VSIG10: variants seen among roughly 807,000 people sequenced by gnomAD.
VSIG10 encodes the protein V-set and immunoglobulin domain-containing protein 10.
Under a neutral mutation model 58.7 loss-of-function variants are expected in VSIG10, and 48 were observed. The observed-to-expected ratio is 0.82, with a 90% CI of 0.65 to 1.04. The LOEUF (loss-of-function observed/expected upper bound fraction) is 1.04. VSIG10 is among the 50% of genes least tolerant of loss of function. The probability of loss-of-function intolerance (pLI) is 0.00; values close to 1 mark genes in which losing one functional copy is unlikely to be tolerated. For missense variants in VSIG10, 628 were observed against 670.0 expected (o/e 0.94, Z 0.69); for synonymous variants, 260 against 267.1 (o/e 0.97, Z 0.26).
chr12:118,095,865 T>C (rs2033435719), intron 1 of VSIG10, 51 bp from the exon 2 acceptor site: 2 of 1,545,080 alleles, frequency 1.3e-6, no homozygotes, highest in Non-Finnish European at 1.7e-6. Context: ...TTCTAAACAA[T>C]GTCCCTTTTT....
Position 118,064,351 on chromosome 12 carries a change from A to G in VSIG10, c.*2288T>C, listed in dbSNP as rs150958414. 1.3e-5 allele frequency: 2 copies of G among 152,168 alleles called. No individual in the cohort carries two copies. The highest frequency in any genetic ancestry group is 4.8e-5 in the African/African-American group (2 of 41,512). The allele number at this position is 152,168 out of a possible 1,614,324, so 9.4% of individuals were successfully genotyped here. ...GTGGAAAAACCCTCAAATATTTCCT[A>G]TCAACAGATGTGTGTGCTAGAGAAG... On this transcript the variant is annotated 3_prime_UTR_variant, in exon 9 of 9. Coordinates refer to ENST00000359236, the MANE Select transcript of VSIG10 (RefSeq NM_019086.6).
chr12:118,085,624 G>A (rs1172242537), intron 2 of VSIG10, among the ~76,000 whole-genome samples: 1 of 152,214 alleles, frequency 6.6e-6, no homozygotes. Context: ...CATTTTGGGA[G>A]GCCGAGGCGG....
rs977597763 is a variant in VSIG10 at position 118,079,345 on chromosome 12, C to T, written c.925+1G>A. On this transcript the variant is annotated splice_donor_variant, in intron 4 of 8. Coordinates refer to ENST00000359236, the MANE Select transcript of VSIG10 (RefSeq NM_019086.6). LOFTEE classifies it high-confidence loss of function. ...CCCAAGACAAAGCAAAACAGACTCA[C>T]TGATCTGCACCATGCAGCTGGCGCC... The T allele has an allele frequency of 1.9e-6, 3 of 1,612,934 alleles. No homozygotes were observed. The highest frequency in any genetic ancestry group is 2.5e-6 in the Non-Finnish European group (3 of 1,179,050).
intron 8 of VSIG10, among the ~76,000 whole-genome samples, chr12:118,068,045 T>C (rs113444359): frequency 3.0e-3 from 422 of 141,092 alleles, no homozygotes; most frequent in Admixed American, 4.4e-3. Context: ...TTTTTTTTTT[T>C]CTGAGGCAGG....
chr12:118,084,829 C>T lies in VSIG10; in HGVS notation c.362-2400G>A, dbSNP rs111862780. Among the ~76,000 whole-genome samples, 209 of 152,286 alleles carry T rather than the reference C, an allele frequency of 1.4e-3. 1 individual carries two copies. The highest frequency in any genetic ancestry group is 5.0e-3 in the Admixed American group (77 of 15,288). ...GGTCAGGAGATCGAGACCATCCTGG[C>T]TAACACGGTGAAACCCCGTCTCTAC... On this transcript the variant is annotated intron_variant, in intron 2 of 8. Transcript: ENST00000359236.
intron 2 of VSIG10, among the ~76,000 whole-genome samples, chr12:118,093,730 G>A (rs1171157198): frequency 6.6e-6 from 1 of 151,954 alleles, no homozygotes; most frequent in Admixed American, 6.6e-5. Flanking sequence ...GCAACATGGT[G>A]AAACCCCATC....
At chr12:118,100,429 G>A (rs576734222) in intron 1 of VSIG10, among the ~76,000 whole-genome samples, 18 of 152,198 alleles carry the variant, frequency 1.2e-4, no homozygotes, top group African/African-American at 3.9e-4. Context: ...CCTGGGAGGC[G>A]GAGGTTGCAG....
At position 118,082,322 on chromosome 12, in the gene VSIG10, A is replaced by T; in HGVS notation, c.469T>A (p.Ser157Thr). 6.2e-7 allele frequency: 1 copy of T among 1,613,994 alleles called. No homozygotes were observed. The highest frequency in any genetic ancestry group is 1.1e-5 in the South Asian group (1 of 91,090). ...CATTCAACCACGGGTGGTGGCCTGGAGCTGCTGTTGCAGCTGAAGTCCACC... is the reference window on the plus strand; with the variant it reads ...CATTCAACCACGGGTGGTGGCCTGGTGCTGCTGTTGCAGCTGAAGTCCACC... Reference protein sequence around the residue: ...SQVDFSCNSSSRPPPVVEWWF... With the variant: ...SQVDFSCNSSTRPPPVVEWWF... Residue 157 changes from serine (S) to threonine (T), a missense_variant, in exon 3 of 9, where the codon TCC (serine) becomes ACC (threonine). Ser to Thr is a moderately conservative substitution (Grantham distance 58, BLOSUM62 1). Transcript: ENST00000359236.
At position 118,066,752 on chromosome 12, in the gene VSIG10, C is replaced by T. The variant is rs181684002; in HGVS notation, c.1568-58G>A. 6.7e-6 allele frequency: 10 copies of T among 1,497,694 alleles called. No individual in the cohort carries two copies. In the East Asian group the frequency reaches 1.2e-4, roughly 18 times the overall value. The allele number at this position is 1,497,694 out of a possible 1,614,324, so 92.8% of individuals were successfully genotyped here. ...AATCAGAGTGTGATTCTATTTCCAC[C>T]GTCAGTCATCAATCATCTCAGTGAT... On this transcript the variant is annotated intron_variant, in intron 8 of 8. Coordinates refer to ENST00000359236, the MANE Select transcript of VSIG10 (RefSeq NM_019086.6).
rs111657969 is a variant in VSIG10, at chr12:118,064,738, G to C, written c.*1901C>G. 26 of 152,290 alleles carry C rather than the reference G, an allele frequency of 1.7e-4. No homozygotes were observed. Among genetic ancestry groups the C allele is most frequent in the Non-Finnish European group, 3.4e-4 (23 of 68,044 alleles). 9.4% of individuals were successfully genotyped at this position (152,290 alleles called of 1,614,324 possible). A position where few individuals can be genotyped will look rare whatever the true frequency, so the allele number is the denominator to read the frequency against. On this transcript the variant is annotated 3_prime_UTR_variant, in exon 9 of 9. Transcript: ENST00000359236. The stretch of plus-strand genomic sequence containing the variant: ...GGTGCACATTGCAGCCCACTCTTGA[G>C]CTCCCCAGTGTTCTGAGCAGGGGAC...
intron 2 of VSIG10, among the ~76,000 whole-genome samples, chr12:118,087,837 C>CA (rs10654315): frequency 0.14 from 8,652 of 62,510 alleles, 871 homozygotes; most frequent in Middle Eastern, 0.25. Context: ...GATCCTGTCT[C>CA]AAAAAAAAAA....
rs2032163185 is a variant in VSIG10 at position 118,063,991 on chromosome 12, C to T, written c.*2648G>A. On this transcript the variant is annotated 3_prime_UTR_variant, in exon 9 of 9. Transcript: ENST00000359236. ...CAAGAAAAAAGTCAGTTGCAATGGA[C>T]CTGAAGTGTGTATCTTCCTGGTCCT... The T allele has an allele frequency of 6.6e-6, 1 of 152,114 alleles. No homozygotes were observed. Among genetic ancestry groups the T allele is most frequent in the Admixed American group, 6.6e-5 (1 of 15,264 alleles). 9.4% of individuals were successfully genotyped at this position (152,114 alleles called of 1,614,324 possible).
At chr12:118,067,517 G>T (rs944042847) in intron 8 of VSIG10, among the ~76,000 whole-genome samples, 2 of 145,014 alleles carry the variant, frequency 1.4e-5, no homozygotes, top group African/African-American at 5.2e-5. Flanking sequence ...AGGCTGAAGT[G>T]CAGTGGCACG....
rs778583969 is a variant in VSIG10, at chr12:118,068,488, C to T, written c.1456G>A (p.Glu486Lys). Reference protein sequence around the residue: ...AAVGEQEGAREREELPKEIPK... With the variant: ...AAVGEQEGARKREELPKEIPK... ...ATTTCTTTTGGCAACTCCTCTCTCT[C>T]ACGTGCTCCCTCCTGTTCCCCTACT... is the stretch of plus-strand genomic sequence containing the variant. Residue 486 changes from glutamate to lysine, a missense_variant, in exon 8 of 9, where the codon GAG becomes AAG. Coordinates refer to ENST00000359236, the MANE Select transcript of VSIG10 (RefSeq NM_019086.6). 2 of 1,613,616 alleles carry T rather than the reference C, an allele frequency of 1.2e-6. No individual in the cohort carries two copies. Among genetic ancestry groups the T allele is most frequent in the Non-Finnish European group, 1.7e-6 (2 of 1,179,854 alleles).
Position 118,103,724 on chromosome 12 carries a change from T to G in VSIG10, c.-53A>C. On this transcript the variant is annotated 5_prime_UTR_variant, in exon 1 of 9. Coordinates refer to ENST00000359236, the MANE Select transcript of VSIG10 (RefSeq NM_019086.6). ...GCAGGCTCGGGCTGGGCTGGACGTG[T>G]GTGCCCCAGGGCCCCGGGGCCCGGG... 2 of 1,406,814 alleles carry G rather than the reference T, an allele frequency of 1.4e-6. No homozygotes were observed. The highest frequency in any genetic ancestry group is 9.2e-7 in the Non-Finnish European group (1 of 1,084,932). The allele number at this position is 1,406,814 out of a possible 1,614,324, so 87.1% of individuals were successfully genotyped here.
At chr12:118,078,523 A>T (rs2032815789) in intron 4 of VSIG10, among the ~76,000 whole-genome samples, 1 of 152,000 alleles carries the variant, frequency 6.6e-6, no homozygotes, top group South Asian at 2.1e-4. Context: ...CTCACTATGG[A>T]ACTCTGCATA....
At chr12:118,091,832 G>A (rs7296685) in intron 2 of VSIG10, among the ~76,000 whole-genome samples, 137,345 of 151,918 alleles carry the variant, frequency 0.9, 62,289 homozygotes, top group Middle Eastern at 0.98. Flanking sequence ...ATCTCAGCTC[G>A]CTGCAACCTC....
chr12:118,079,711 C>G, intron 3 of VSIG10, 105 bp from the exon 4 acceptor site: 2 of 1,470,158 alleles, frequency 1.4e-6, no homozygotes, highest in Non-Finnish European at 1.8e-6. Flanking sequence ...GGACATCAAC[C>G]CCAGTTAGTG....
At chr12:118,067,214 A>C (rs1012653906) in intron 8 of VSIG10, among the ~76,000 whole-genome samples, 3 of 151,888 alleles carry the variant, frequency 2.0e-5, no homozygotes, top group African/African-American at 7.3e-5. Flanking sequence ...TAGTAGAGAC[A>C]CGTTTTGCCA....
Sources: gnomAD v4.1 joint callset for allele counts (sites outside exome capture counted in the v4.1 genomes callset) on GRCh38, gnomAD v4.1.1 for gene constraint, MANE v1.5 for transcripts, NCBI Gene and HGNC (gene_info 2026-07-23, HGNC 2026-07-21) for gene names.